GLYATL2: variants seen among roughly 807,000 people sequenced by gnomAD.
GLYATL2 encodes glycine-N-acyltransferase like 2.
In GLYATL2, 25 loss-of-function variants were observed where a neutral mutation model predicts 21.4. That is an observed-to-expected ratio of 1.17 (90% CI 0.85 to 1.63). The LOEUF (loss-of-function observed/expected upper bound fraction) is 1.63. GLYATL2 is among the 40% of genes most tolerant of loss of function. The probability of loss-of-function intolerance (pLI) is 0.00; values close to 1 mark genes in which losing one functional copy is unlikely to be tolerated. For synonymous variants in GLYATL2, 114 were observed against 118.2 expected, an observed-to-expected ratio of 0.96 and a Z score of 0.23; for missense variants, 361 against 343.3, an observed-to-expected ratio of 1.05 and a Z score of -0.41.
intron 1 of GLYATL2, chr11:58,892,663 T>TGC (rs1854564645): frequency 5.7e-6 from 2 of 347,850 alleles, no homozygotes; most frequent in South Asian, 1.4e-4. Context: ...TCTTCCCAGG[T>TGC]CTTCAAGAAA....
chr11:58,843,724 G>GA (rs78684712), intron 1 of GLYATL2, among the ~76,000 whole-genome samples: 39,875 of 151,890 alleles, frequency 0.26, 5,718 homozygotes, highest in East Asian at 0.5. Context: ...AATAGACAGG[G>GA]AAAAATGTAC....
rs1853770556 is a variant in GLYATL2, at chr11:58,853,163, G to A, written n.61-14795C>T. Reference sequence around the variant, plus strand: ...TCTATAAAGTATAGACAATTATACTGACCCCAAGATTGTTTGAAGGATTTG... The same window carrying A: ...TCTATAAAGTATAGACAATTATACTAACCCCAAGATTGTTTGAAGGATTTG... On this transcript the variant is annotated intron_variant and non_coding_transcript_variant, in intron 1 of 4. Coordinates refer to the GLYATL2 transcript ENST00000533636. Among the ~76,000 whole-genome samples, 3 of 152,184 alleles carry A rather than the reference G, an allele frequency of 2.0e-5. No individual in the cohort carries two copies. The South Asian group carries it at 6.2e-4, about 32-fold the overall frequency.
At chr11:58,908,338 T>A (rs1252726686), upstream of GLYATL2, 1 of 152,656 alleles carries the variant, frequency 6.6e-6, no homozygotes, top group East Asian at 1.9e-4. Flanking sequence ...GTCCAGTGTT[T>A]GAAAGTGGTT....
chr11:58,908,171 G>C (rs1031258563), upstream of GLYATL2: 5 of 152,160 alleles, frequency 3.3e-5, no homozygotes, highest in Admixed American at 3.3e-4. Flanking sequence ...ACAACTCCCA[G>C]CTTGTCTTCT....
chr11:58,858,429 A>G lies in GLYATL2; in HGVS notation n.61-20061T>C, dbSNP rs1208084562. 1.3e-5 allele frequency among the ~76,000 whole-genome samples: 2 copies of G among 151,280 alleles called. 1 individual carries two copies. The highest frequency in any genetic ancestry group is 1.3e-4 in the Admixed American group (2 of 15,058). Reference sequence around the variant, plus strand: ...AGATAATGCTTTGTTATAAATTTTTACACCTTTCTTCTGTTAAAGATGAAG... The same window carrying G: ...AGATAATGCTTTGTTATAAATTTTTGCACCTTTCTTCTGTTAAAGATGAAG... On this transcript the variant is annotated intron_variant and non_coding_transcript_variant, in intron 1 of 4. Transcript: ENST00000533636.
At position 58,872,926 on chromosome 11, in the gene GLYATL2, G is replaced by A. The variant is rs370355974; in HGVS notation, n.60+31230C>T. On this transcript the variant is annotated intron_variant and non_coding_transcript_variant, in intron 1 of 4. Coordinates refer to the GLYATL2 transcript ENST00000533636. ...TTGTCCCTACCCATTAGCATGGAAT[G>A]TTCTTCCATTCGTTTGTATCCTCTT... is the stretch of plus-strand genomic sequence containing the variant. Among the ~76,000 whole-genome samples, 5 of 152,318 alleles carry A rather than the reference G, an allele frequency of 3.3e-5. No individual in the cohort carries two copies. The South Asian group carries it at 1.0e-3, about 32-fold the overall frequency.
intron 1 of GLYATL2, among the ~76,000 whole-genome samples, chr11:58,878,939 C>T (rs571636506): frequency 6.6e-6 from 1 of 152,244 alleles, no homozygotes; most frequent in Admixed American, 6.5e-5. Context: ...ATGAGTTGGG[C>T]AGTACAGGGT....
chr11:58,905,404 C>T (rs1398017501), upstream of GLYATL2: 6 of 448,128 alleles, frequency 1.3e-5, no homozygotes, highest in East Asian at 4.2e-4. Context: ...GGATGCACGT[C>T]CCGCCACCGC....
chr11:58,840,260 T>C (rs1323861790), intron 1 of GLYATL2, among the ~76,000 whole-genome samples: 1 of 152,138 alleles, frequency 6.6e-6, no homozygotes, highest in Admixed American at 6.6e-5. Flanking sequence ...ACCTTAAAAA[T>C]AGACCAAACT....
rs562084604 is a variant in GLYATL2, at chr11:58,836,764, T to C, written c.476+251A>G. Among the ~76,000 whole-genome samples the C allele has an allele frequency of 1.7e-4, 26 of 152,322 alleles. 1 individual carries two copies. Among genetic ancestry groups the C allele is most frequent in the African/African-American group, 6.3e-4 (26 of 41,568 alleles). ...TAGTTTCAGTAAACATGTTTTGATG[T>C]CACCATGATGTCCATTACCCTCTCA... is the stretch of plus-strand genomic sequence containing the variant. On this transcript the variant is annotated intron_variant, in intron 5 of 5. Coordinates refer to ENST00000287275, the MANE Select transcript of GLYATL2 (RefSeq NM_145016.4).
intron 1 of GLYATL2, among the ~76,000 whole-genome samples, chr11:58,899,076 G>T (rs1384923631): frequency 6.6e-6 from 1 of 152,070 alleles, no homozygotes; most frequent in African/African-American, 2.4e-5. Context: ...GGAAACTGAG[G>T]TGCAAAGAAA....
At chr11:58,862,642 C>A (rs891921315) in intron 1 of GLYATL2, among the ~76,000 whole-genome samples, 2 of 152,134 alleles carry the variant, frequency 1.3e-5, no homozygotes, top group African/African-American at 4.8e-5. Context: ...TTATGTCCAG[C>A]ATTTCTTTTT....
At chr11:58,909,088 A>T (rs183490841), upstream of GLYATL2, among the ~76,000 whole-genome samples, 468 of 152,330 alleles carry the variant, frequency 3.1e-3, 2 homozygotes, top group Non-Finnish European at 5.0e-3. Context: ...TACTAAATTG[A>T]GACATAAACA....
At chr11:58,850,807 G>A (rs2134586301) in intron 1 of GLYATL2, among the ~76,000 whole-genome samples, 1 of 152,196 alleles carries the variant, frequency 6.6e-6, no homozygotes, top group South Asian at 2.1e-4. Context: ...TGGAGGGCCT[G>A]ACATCAGTCA....
intron 1 of GLYATL2, among the ~76,000 whole-genome samples, chr11:58,863,201 G>A (rs947156594): frequency 3.9e-5 from 6 of 152,182 alleles, no homozygotes; most frequent in African/African-American, 1.4e-4. Flanking sequence ...AATAGGGGCT[G>A]GACTGAAGCA....
intron 1 of GLYATL2, among the ~76,000 whole-genome samples, chr11:58,875,433 G>T (rs1854210661): frequency 1.3e-5 from 2 of 152,198 alleles, no homozygotes; most frequent in East Asian, 1.9e-4. Flanking sequence ...GGTACTGGTT[G>T]TTCCTTTCCA....
Position 58,834,459 on chromosome 11 carries a change from CT to C in GLYATL2, c.854del (p.Gln285ArgfsTer12). 2 of 1,601,934 alleles carry C rather than the reference CT, an allele frequency of 1.2e-6. No homozygotes were observed. The highest frequency in any genetic ancestry group is 1.7e-6 in the Non-Finnish European group (2 of 1,174,522). On this transcript the variant is annotated frameshift_variant, in exon 6 of 6. Transcript: ENST00000287275. LOFTEE classifies it high-confidence loss of function. Reference sequence around the variant, plus strand: ...AATATTTCTTGGGGGTGCATTTCCACTGATGCCAGCCACAAGGACAAATCTT... The same window carrying C: ...AATATTTCTTGGGGGTGCATTTCCACGATGCCAGCCACAAGGACAAATCTT... ...GFKICPCGWHQWKCTPKKYC is the reference protein window; with the variant it reads ...GFKICPCGWHXWKCTPKKYC
intron 1 of GLYATL2, among the ~76,000 whole-genome samples, chr11:58,873,871 C>T (rs1854173245): frequency 6.6e-6 from 1 of 152,140 alleles, no homozygotes; most frequent in South Asian, 2.1e-4. Context: ...GTACCAGCTC[C>T]TCCTTGTACT....
At chr11:58,889,152 A>T (rs1854495739) in intron 1 of GLYATL2, among the ~76,000 whole-genome samples, 1 of 151,886 alleles carries the variant, frequency 6.6e-6, no homozygotes, top group Non-Finnish European at 1.5e-5. Flanking sequence ...AGAATATTAA[A>T]TTATTTTTCC....
Sources: gnomAD v4.1 joint callset for allele counts (sites outside exome capture counted in the v4.1 genomes callset) on GRCh38, gnomAD v4.1.1 for gene constraint, MANE v1.5 for transcripts, NCBI Gene and HGNC (gene_info 2026-07-23, HGNC 2026-07-21) for gene names.